The following KATNAL2 variants were observed in gnomAD, a reference collection of about 807,000 sequenced individuals.
KATNAL2 encodes the protein katanin p60 ATPase-containing subunit A-like 2.
KATNAL2 carries 52 observed loss-of-function variants against 76.3 expected under a neutral mutation model. That is an observed-to-expected ratio of 0.68 (90% CI 0.55 to 0.86). The LOEUF is 0.86. Among genes scored for constraint, KATNAL2 ranks in the 40% least tolerant of loss-of-function variants. The pLI is 0.00. For synonymous variants in KATNAL2, 243 were observed against 244.2 expected (o/e 1.00, Z 0.05); for missense variants, 660 against 668.9 (o/e 0.99, Z 0.15).
intron 17 of KATNAL2, 116 bp from the exon 18 acceptor site, chr18:47,100,750 A>T (rs2063422734): frequency 7.9e-7 from 1 of 1,269,264 alleles, no homozygotes. Flanking sequence ...TTGCTGCATT[A>T]ACAATTAAGA....
intron 13 of KATNAL2, among the ~76,000 whole-genome samples, chr18:47,074,435 C>G (rs1026934369): frequency 2.0e-5 from 3 of 152,134 alleles, no homozygotes; most frequent in African/African-American, 7.2e-5. Flanking sequence ...ATCCCCCATG[C>G]CTATTAAAGA....
At position 46,955,174 on chromosome 18, in the gene KATNAL2, C is replaced by CTTTA. The variant is rs1407578181; in HGVS notation, c.51+8254_51+8255insATTT. Among the ~76,000 whole-genome samples, 3 of 132,708 alleles carry CTTTA rather than the reference C, an allele frequency of 2.3e-5. No individual in the cohort carries two copies. The Admixed American group carries it at 2.4e-4, about 11-fold the overall frequency. The allele number at this position is 132,708 out of a possible 152,430, so 87.1% of individuals were successfully genotyped here. ...TCTTTCTTTCTTTCTTTCTTTCTTT[C>CTTTA]TTTCTTTCTTTCCTCTCTCTTTTTC... On this transcript the variant is annotated intron_variant, in intron 3 of 17. Coordinates refer to ENST00000683218, the MANE Select transcript of KATNAL2 (RefSeq NM_001387690.1).
At chr18:46,952,490 C>T (rs1174604614) in intron 3 of KATNAL2, among the ~76,000 whole-genome samples, 1 of 149,774 alleles carries the variant, frequency 6.7e-6, no homozygotes, top group African/African-American at 2.5e-5. Flanking sequence ...ACCTCCGCCT[C>T]CCGGGTTCAA....
At position 47,101,629 on chromosome 18, in the gene KATNAL2, C is replaced by T. The variant is rs1217272329; in HGVS notation, c.*624C>T. On this transcript the variant is annotated 3_prime_UTR_variant, in exon 18 of 18. Transcript: ENST00000683218. ...TAGAGCTAATAGCCAGGGTGACTAG[C>T]ACACCATCACCATCAGCTGCCAGTC... 2 of 153,530 alleles carry T rather than the reference C, an allele frequency of 1.3e-5. No homozygotes were observed. Among genetic ancestry groups the T allele is most frequent in the Non-Finnish European group, 2.9e-5 (2 of 68,914 alleles). The allele number at this position is 153,530 out of a possible 1,614,324, so 9.5% of individuals were successfully genotyped here. A position where few individuals can be genotyped will look rare whatever the true frequency, so the allele number is the denominator to read the frequency against.
chr18:47,089,749 T>C (rs1395539508), intron 15 of KATNAL2, among the ~76,000 whole-genome samples: 1 of 152,222 alleles, frequency 6.6e-6, no homozygotes, highest in Non-Finnish European at 1.5e-5. Context: ...GCGGCTTTTC[T>C]CTATTGATTA....
intron 3 of KATNAL2, chr18:47,035,139 G>GTCTGCC: frequency 1.2e-6 from 2 of 1,611,876 alleles, no homozygotes; most frequent in African/African-American, 2.7e-5. Flanking sequence ...CCGCCAGGAT[G>GTCTGCC]TCTGCCGTCA....
chr18:47,071,330 C>A (rs982045876), intron 13 of KATNAL2, among the ~76,000 whole-genome samples: 1 of 152,090 alleles, frequency 6.6e-6, no homozygotes, highest in African/African-American at 2.4e-5. Flanking sequence ...CAAGTAGAAA[C>A]ATACTATGTT....
intron 3 of KATNAL2, among the ~76,000 whole-genome samples, chr18:47,038,402 A>C (rs1216977853): frequency 6.6e-6 from 1 of 152,226 alleles, no homozygotes; most frequent in African/African-American, 2.4e-5. Context: ...TAGGGTTGCT[A>C]TGAAACTCAC....
intron 15 of KATNAL2, among the ~76,000 whole-genome samples, chr18:47,079,209 T>C (rs2062392238): frequency 6.6e-6 from 1 of 152,210 alleles, no homozygotes; most frequent in Non-Finnish European, 1.5e-5. Flanking sequence ...AAGGACTTTT[T>C]TTACATTACT....
Position 47,068,200 on chromosome 18 carries a change from G to A in KATNAL2, c.826-1020G>A, listed in dbSNP as rs578004198. Among the ~76,000 whole-genome samples, 20 of 152,352 alleles carry A rather than the reference G, an allele frequency of 1.3e-4. No individual in the cohort carries two copies. The South Asian group carries it at 4.1e-3, about 32-fold the overall frequency. On this transcript the variant is annotated intron_variant, in intron 11 of 17. Transcript: ENST00000683218. ...AAATAGGCTCCATTTCTTGATGAAA[G>A]GAGCTACAAATAATTTGTGACCATT...
intron 11 of KATNAL2, among the ~76,000 whole-genome samples, chr18:47,068,080 A>AT (rs890117729): frequency 4.6e-5 from 7 of 152,114 alleles, no homozygotes; most frequent in Admixed American, 2.0e-4. Context: ...TGCCTCTTAT[A>AT]TTTTTTTGCT....
chr18:47,047,631 T>C (rs1352889596), intron 4 of KATNAL2, among the ~76,000 whole-genome samples: 1 of 152,204 alleles, frequency 6.6e-6, no homozygotes, highest in Non-Finnish European at 1.5e-5. Flanking sequence ...ACAAAGTGTT[T>C]GAAGGGCACT....
At chr18:47,077,328 A>G (rs768914771) in intron 14 of KATNAL2, 23 bp from the exon 15 acceptor site, 22 of 1,568,832 alleles carry the variant, frequency 1.4e-5, no homozygotes, top group Non-Finnish European at 1.8e-5. Context: ...CACTTAGGAG[A>G]ATCACGTCTT....
At chr18:47,068,442 C>T (rs1162204206) in intron 11 of KATNAL2, among the ~76,000 whole-genome samples, 2 of 152,184 alleles carry the variant, frequency 1.3e-5, no homozygotes, top group Non-Finnish European at 2.9e-5. Context: ...GAAATTTACT[C>T]ACCTTTTCCT....
chr18:46,935,922 T>A (rs766659415), intron 1 of KATNAL2, among the ~76,000 whole-genome samples: 19 of 150,104 alleles, frequency 1.3e-4, no homozygotes, highest in Admixed American at 6.0e-4. Context: ...TCTCAAAATT[T>A]AAAAAAAAAG....
At chr18:47,034,562 GTT>G in intron 3 of KATNAL2, 1 of 1,614,178 alleles carries the variant, frequency 6.2e-7, no homozygotes. Flanking sequence ...CACAAGGGGC[GTT>G]TTTCCTGGCG....
chr18:47,041,906 G>T (rs551300334), intron 3 of KATNAL2, among the ~76,000 whole-genome samples: 1 of 152,336 alleles, frequency 6.6e-6, no homozygotes, highest in Non-Finnish European at 1.5e-5. Flanking sequence ...ATCCCAGTAA[G>T]TGTGCAGTGG....
intron 11 of KATNAL2, among the ~76,000 whole-genome samples, chr18:47,068,005 A>G (rs2061867558): frequency 6.6e-6 from 1 of 152,348 alleles, no homozygotes; most frequent in Admixed American, 6.5e-5. Context: ...TCCTGCTCAC[A>G]TGGTGGCAGT....
intron 13 of KATNAL2, among the ~76,000 whole-genome samples, chr18:47,071,991 T>A (rs948219471): frequency 6.2e-5 from 7 of 112,428 alleles, no homozygotes; most frequent in Non-Finnish European, 1.1e-4. Context: ...TTTTTTTTTT[T>A]ACAGAGTCTT....
Sources: allele counts gnomAD v4.1 joint callset (sites outside exome capture counted in the v4.1 genomes callset), GRCh38; gene constraint gnomAD v4.1.1; transcripts MANE v1.5; gene names NCBI Gene and HGNC (gene_info 2026-07-23, HGNC 2026-07-21).